The following TGOLN2 variants were observed in gnomAD, a reference collection of about 807,000 sequenced individuals.
The protein encoded by TGOLN2 is trans-Golgi network integral membrane protein 2.
A neutral mutation model predicts 31.3 loss-of-function variants in TGOLN2; 19 were observed. That is an observed-to-expected ratio of 0.61 (90% CI 0.42 to 0.89). The LOEUF is 0.89. TGOLN2 is among the 40% of genes least tolerant of loss of function. The pLI, the probability that TGOLN2 is intolerant of heterozygous loss-of-function variation, is 0.00. For synonymous variants in TGOLN2, 222 were observed against 226.7 expected, an observed-to-expected ratio of 0.98 and a Z score of 0.19; for missense variants, 540 against 559.2, an observed-to-expected ratio of 0.97 and a Z score of 0.35.
intron 3 of TGOLN2, among the ~76,000 whole-genome samples, chr2:85,323,990 C>T (rs931523652): frequency 1.1e-4 from 16 of 152,188 alleles, no homozygotes; most frequent in East Asian, 3.8e-4. Context: ...CTCCAGCCTA[C>T]GGTGCTTAAG....
intron 3 of TGOLN2, chr2:85,324,701 T>C (rs775087295): frequency 6.7e-6 from 4 of 598,220 alleles, no homozygotes; most frequent in Non-Finnish European, 1.2e-5. Context: ...TGCTGTAGAG[T>C]ATTCCAAGGT....
intron 3 of TGOLN2, 160 bp from the exon 4 acceptor site, chr2:85,322,901 G>A: frequency 1.6e-6 from 2 of 1,249,358 alleles, no homozygotes; most frequent in South Asian, 1.6e-5. Context: ...ACACTTGATG[G>A]AGAGAGAGGA....
chr2:85,326,355 G>A (rs1682727250), intron 2 of TGOLN2, among the ~76,000 whole-genome samples, 153 bp downstream of exon 2: 1 of 152,170 alleles, frequency 6.6e-6, no homozygotes, highest in Non-Finnish European at 1.5e-5. Context: ...CAAAACAAGA[G>A]TAAAGAGGCC....
At chr2:85,325,100 C>T in intron 2 of TGOLN2, 102 bp from the exon 3 acceptor site, 1 of 1,072,438 alleles carries the variant, frequency 9.3e-7, no homozygotes, top group South Asian at 1.4e-5. Flanking sequence ...TTGTTAATGA[C>T]CCTGACTGTA....
rs1264472681 is a variant in TGOLN2 at position 85,326,735 on chromosome 2, G to A, written c.997C>T (p.Pro333Ser). The A allele has an allele frequency of 1.9e-6, 3 of 1,614,038 alleles. No individual in the cohort carries two copies. The highest frequency in any genetic ancestry group is 2.7e-5 in the African/African-American group (2 of 75,054). ...TCTTTGGGCGGTGAGCCCTCCTCGG[G>A]TCCTGTATCATCATCTTCAGCCTCT... ...PKEAEDDDTG[P>S]EEGSPPKEEK... The change falls in exon 2 of 4, where the codon CCC becomes TCC. Residue 333 changes from proline to serine, a missense_variant. By Grantham distance (74) the Pro-to-Ser change is moderately conservative. Transcript: ENST00000377386.
Position 85,322,423 on chromosome 2 carries a change from C to T in TGOLN2, c.*313G>A, listed in dbSNP as rs1439475229. 6.3e-6 allele frequency: 3 copies of T among 474,650 alleles called. No homozygotes were observed. The highest frequency in any genetic ancestry group is 6.0e-5 in the African/African-American group (3 of 49,662). 29.4% of individuals were successfully genotyped at this position (474,650 alleles called of 1,614,324 possible). A position where few individuals can be genotyped will look rare whatever the true frequency, so the allele number is the denominator to read the frequency against. On this transcript the variant is annotated 3_prime_UTR_variant, in exon 4 of 4. Coordinates refer to ENST00000377386, the MANE Select transcript of TGOLN2 (RefSeq NM_006464.4). ...TGGTCATAGCCGTGTTTCCATATAC[C>T]CCTCCACTCACCCTCAGAGGAGGAA...
In TGOLN2 at chr2:85,326,780, T is replaced by C. The variant is rs1295090700; in HGVS notation, c.952A>G (p.Thr318Ala). The change falls in exon 2 of 4, where the codon ACT becomes GCT. Residue 318 changes from threonine to alanine, a missense_variant. Thr to Ala is a moderately conservative substitution (Grantham distance 58). Coordinates refer to ENST00000377386, the MANE Select transcript of TGOLN2 (RefSeq NM_006464.4). The stretch of plus-strand genomic sequence containing the variant: ...GCCTCTTTGGGCTCCACATCCTCAG[T>C]AGGCTCTGAAGACTTAACTTCCTCC... Reference protein sequence around the residue: ...PQEEVKSSEPTEDVEPKEAED... With the variant: ...PQEEVKSSEPAEDVEPKEAED... The C allele has an allele frequency of 2.5e-6, 4 of 1,614,028 alleles. No individual in the cohort carries two copies. The South Asian group carries it at 3.3e-5, about 13-fold the overall frequency.
At position 85,322,756 on chromosome 2, in the gene TGOLN2, G is replaced by T. The variant is rs1375105757; in HGVS notation, c.1309-15C>A. On this transcript the variant is annotated splice_polypyrimidine_tract_variant and intron_variant, in intron 3 of 3. Transcript: ENST00000377386. The stretch of plus-strand genomic sequence containing the variant: ...TTCTGTTAGGACTTAGGGGAAAAAA[G>T]ATCTTTTAGGAGGTGCAGGGAAAAC... 1 of 1,610,146 alleles carries T rather than the reference G, an allele frequency of 6.2e-7. No homozygotes were observed. Among genetic ancestry groups the T allele is most frequent in the African/African-American group, 1.3e-5 (1 of 74,910 alleles).
intron 1 of TGOLN2, 28 bp downstream of exon 1, chr2:85,327,889 G>A (rs1284411714): frequency 6.3e-7 from 1 of 1,594,772 alleles, no homozygotes; most frequent in Non-Finnish European, 8.5e-7. Flanking sequence ...CTGGGGGCAA[G>A]AGTGGGATGC....
chr2:85,322,923 T>G, intron 3 of TGOLN2, 182 bp from the exon 4 acceptor site: 1 of 1,049,570 alleles, frequency 9.5e-7, no homozygotes, highest in Non-Finnish European at 1.4e-6. Context: ...TCCTGGCTTC[T>G]GCTTCATACT....
In TGOLN2 at chr2:85,324,165, G is replaced by A. The variant is rs144636827; in HGVS notation, c.1308+750C>T. Among the ~76,000 whole-genome samples, 730 of 152,318 alleles carry A rather than the reference G, an allele frequency of 4.8e-3. 16 individuals are homozygous for A. The East Asian group carries it at 0.077, about 16-fold the overall frequency. On this transcript the variant is annotated intron_variant, in intron 3 of 3. Coordinates refer to ENST00000377386, the MANE Select transcript of TGOLN2 (RefSeq NM_006464.4). ...AGGCCAGGCACGGTGGCTTATGCCTGTAATCTCAGCACTTTGGGAGGTCGA... is the reference window on the plus strand; with the variant it reads ...AGGCCAGGCACGGTGGCTTATGCCTATAATCTCAGCACTTTGGGAGGTCGA...
chr2:85,327,529 C>T lies in TGOLN2; in HGVS notation c.203G>A (p.Ser68Asn). 1 of 1,613,932 alleles carries T rather than the reference C, an allele frequency of 6.2e-7. No homozygotes were observed. Among genetic ancestry groups the T allele is most frequent in the Non-Finnish European group, 8.5e-7 (1 of 1,179,860 alleles). Reference sequence around the variant, plus strand: ...GGTCTGCGCCTCCGCACTCGACTTGCTAGGGCTGTCTTTTGGAGTCTGCGG... The same window carrying T: ...GGTCTGCGCCTCCGCACTCGACTTGTTAGGGCTGTCTTTTGGAGTCTGCGG... ...PEPQTPKDSP[S>N]KSSAEAQTPE... is the part of the protein sequence containing the mutation. The change falls in exon 2 of 4, where the codon AGC (serine) becomes AAC (asparagine). Residue 68 changes from serine (S) to asparagine (N), a missense_variant. Coordinates refer to ENST00000377386, the MANE Select transcript of TGOLN2 (RefSeq NM_006464.4).
At position 85,319,918 on chromosome 2, in the gene TGOLN2, A is replaced by C. The variant is rs1420598833; in HGVS notation, c.*2818T>G. ...CTGCCCTGTTTTGCTCAAGTTCTGAAATGAGTGGCATGATGAAGAGCTGGT... is the reference window on the plus strand; with the variant it reads ...CTGCCCTGTTTTGCTCAAGTTCTGACATGAGTGGCATGATGAAGAGCTGGT... On this transcript the variant is annotated 3_prime_UTR_variant, in exon 4 of 4. Transcript: ENST00000377386. The C allele has an allele frequency of 1.3e-5, 2 of 152,500 alleles. No homozygotes were observed. Among genetic ancestry groups the C allele is most frequent in the East Asian group, 3.8e-4 (2 of 5,208 alleles). The allele number at this position is 152,500 out of a possible 1,614,324, so 9.4% of individuals were successfully genotyped here.
chr2:85,326,932 G>T lies in TGOLN2; in HGVS notation c.800C>A (p.Ser267Tyr), dbSNP rs145218072. The change falls in exon 2 of 4, where the codon TCC becomes TAC. Residue 267 changes from serine (S) to tyrosine (Y), a missense_variant. Ser to Tyr is a moderately radical substitution (Grantham distance 144, BLOSUM62 -2). Transcript: ENST00000377386. The part of the protein sequence containing the change: ...PSRKDHSKPI[S>Y]NPSDNKELPK... The stretch of plus-strand genomic sequence containing the variant: ...GAGCTCCTTGTTATCAGAAGGGTTG[G>T]AGATGGGCTTGGAATGGTCTTTCCG... 7,849 of 1,613,990 alleles carry T rather than the reference G, an allele frequency of 4.9e-3. 28 individuals are homozygous for T. The highest frequency in any genetic ancestry group is 6.2e-3 in the Admixed American group (374 of 60,026).
chr2:85,320,371 AAG>A lies in TGOLN2; in HGVS notation c.*2363_*2364del, dbSNP rs1439606165. 6.6e-6 allele frequency: 1 copy of A among 152,174 alleles called. No individual in the cohort carries two copies. The highest frequency in any genetic ancestry group is 1.5e-5 in the Non-Finnish European group (1 of 68,022). 9.4% of individuals were successfully genotyped at this position (152,174 alleles called of 1,614,324 possible). On this transcript the variant is annotated 3_prime_UTR_variant, in exon 4 of 4. Transcript: ENST00000377386. ...ATGTGGATCTGAAAAAACAAAATCCAAGAGAGAAGCAAAATGGGCTGGGGGTG... is the reference window on the plus strand; with the variant it reads ...ATGTGGATCTGAAAAAACAAAATCCAAGAGAAGCAAAATGGGCTGGGGGTG...
rs1206135314 is a variant in TGOLN2 at position 85,326,970 on chromosome 2, T to C, written c.762A>G (p.Pro254=). The change falls in exon 2 of 4, where the codon CCA becomes CCG. Residue 254 remains proline, a synonymous_variant. Coordinates refer to ENST00000377386, the MANE Select transcript of TGOLN2 (RefSeq NM_006464.4). The stretch of plus-strand genomic sequence containing the variant: ...AATGGTCTTTCCGGGAAGGCTGCTC[T>C]GGAACCACCTTGTTAGGGCTGTCTT... The part of the protein sequence containing the change: ...TSKDSPNKVV[P]EQPSRKDHSK... 6.8e-6 allele frequency: 11 copies of C among 1,613,990 alleles called. No homozygotes were observed. Among genetic ancestry groups the C allele is most frequent in the Non-Finnish European group, 8.5e-6 (10 of 1,179,834 alleles).
chr2:85,327,041 G>C lies in TGOLN2; in HGVS notation c.691C>G (p.Pro231Ala), dbSNP rs746848116. 5.6e-6 allele frequency: 9 copies of C among 1,613,462 alleles called. No homozygotes were observed. Among genetic ancestry groups the C allele is most frequent in the Non-Finnish European group, 1.7e-6 (2 of 1,179,734 alleles). ...CCCGACTTGCTGGGCCCGTCTATTGGGCCCTGCTCCTCTGCACCGGACTTG... is the reference window on the plus strand; with the variant it reads ...CCCGACTTGCTGGGCCCGTCTATTGCGCCCTGCTCCTCTGCACCGGACTTG... ...SNKSGAEEQG[P>A]IDGPSKSGAE... Residue 231 changes from proline (P) to alanine (A), a missense_variant, in exon 2 of 4, where the codon CCA becomes GCA. Pro to Ala is a conservative substitution (Grantham distance 27, BLOSUM62 -1). Transcript: ENST00000377386.
At position 85,326,531 on chromosome 2, in the gene TGOLN2, T is replaced by C; in HGVS notation, c.1201A>G (p.Ile401Val). 3 of 1,613,792 alleles carry C rather than the reference T, an allele frequency of 1.9e-6. No homozygotes were observed. The highest frequency in any genetic ancestry group is 1.1e-5 in the South Asian group (1 of 91,070). ...TAAILVAVLY[I>V]AHHNKRKIIA... ...ACCTTCCGCTTGTTGTGATGAGCGA[T>C]ATAGAGGACAGCCACAAGAATGGCT... Residue 401 changes from isoleucine (I) to valine (V), a missense_variant, in exon 2 of 4, where the codon ATC (isoleucine) becomes GTC (valine). Ile to Val is a conservative substitution (Grantham distance 29, BLOSUM62 3). Transcript: ENST00000377386.
In TGOLN2 at chr2:85,320,461, T is replaced by A. The variant is rs1682508334; in HGVS notation, c.*2275A>T. 1 of 150,976 alleles carries A rather than the reference T, an allele frequency of 6.6e-6. No individual in the cohort carries two copies. Among genetic ancestry groups the A allele is most frequent in the African/African-American group, 2.4e-5 (1 of 41,020 alleles). 9.4% of individuals were successfully genotyped at this position (150,976 alleles called of 1,614,324 possible). A position where few individuals can be genotyped will look rare whatever the true frequency, so the allele number is the denominator to read the frequency against. On this transcript the variant is annotated 3_prime_UTR_variant, in exon 4 of 4. Transcript: ENST00000377386. ...CTGAGGATCTTTTATTAAAAAAAAATGGATGGGACTTTGGTGATGAGAGAG... is the reference window on the plus strand; with the variant it reads ...CTGAGGATCTTTTATTAAAAAAAAAAGGATGGGACTTTGGTGATGAGAGAG...
Sources: gnomAD v4.1 joint callset for allele counts (sites outside exome capture counted in the v4.1 genomes callset) on GRCh38, gnomAD v4.1.1 for gene constraint, MANE v1.5 for transcripts, NCBI Gene and HGNC (gene_info 2026-07-23, HGNC 2026-07-21) for gene names.